Variants in FHIT observed in about 807,000 individuals in gnomAD.
The protein encoded by FHIT is fragile histidine triad diadenosine triphosphatase, also known as bis(5'-adenosyl)-triphosphatase.
A neutral mutation model predicts 17.9 loss-of-function variants in FHIT; 19 were observed. The ratio of observed to expected loss-of-function variants is 1.06; its 90% CI spans 0.74 to 1.56. The LOEUF is 1.56. Ranked by LOEUF, FHIT falls within the 40% of genes most tolerant of loss-of-function variation. The pLI is 0.00. For missense variants in FHIT, 248 were observed against 189.2 expected (o/e 1.31, Z -1.82); for synonymous variants, 81 against 69.7 (o/e 1.16, Z -0.81).
At chr3:60,233,075 GAT>G (rs1317497431) in intron 5 of FHIT, among the ~76,000 whole-genome samples, 1 of 152,142 alleles carries the variant, frequency 6.6e-6, no homozygotes, top group East Asian at 1.9e-4. Context: ...GGTAAAATAA[GAT>G]AGACCATGAG....
intron 3 of FHIT, among the ~76,000 whole-genome samples, chr3:60,878,977 T>A (rs1336840091): frequency 6.6e-6 from 1 of 152,220 alleles, no homozygotes; most frequent in Non-Finnish European, 1.5e-5. Context: ...TATAGCAGCA[T>A]GATTTATAAT....
chr3:60,717,987 T>C (rs1186097867), intron 4 of FHIT, among the ~76,000 whole-genome samples: 5 of 152,204 alleles, frequency 3.3e-5, no homozygotes, highest in African/African-American at 7.2e-5. Flanking sequence ...AAATAGCCAA[T>C]GTTTTTTAAA....
intron 5 of FHIT, among the ~76,000 whole-genome samples, chr3:60,368,446 ATATT>A (rs1332677463): frequency 1.3e-5 from 2 of 151,882 alleles, no homozygotes; most frequent in African/African-American, 4.8e-5. Flanking sequence ...ATATATAAAT[ATATT>A]TATTTCTTTG....
At chr3:60,356,024 AACTGGC>A (rs1699639518) in intron 5 of FHIT, among the ~76,000 whole-genome samples, 1 of 152,210 alleles carries the variant, frequency 6.6e-6, no homozygotes, top group Non-Finnish European at 1.5e-5. Flanking sequence ...CAAAAATAAT[AACTGGC>A]ACTGTGCCAT....
At chr3:60,555,193 A>C (rs2036701927) in intron 4 of FHIT, among the ~76,000 whole-genome samples, 1 of 152,198 alleles carries the variant, frequency 6.6e-6, no homozygotes, top group African/African-American at 2.4e-5. Flanking sequence ...AAGCCGTCCC[A>C]AACTACTGAT....
intron 2 of FHIT, among the ~76,000 whole-genome samples, chr3:61,098,893 C>T (rs2035728253): frequency 6.6e-6 from 1 of 151,818 alleles, no homozygotes; most frequent in South Asian, 2.1e-4. Flanking sequence ...ATGTCACCTG[C>T]ATTTGAATGC....
chr3:60,518,935 G>A (rs2035258498), intron 5 of FHIT, among the ~76,000 whole-genome samples: 4 of 152,272 alleles, frequency 2.6e-5, no homozygotes, highest in Middle Eastern at 6.8e-3. Flanking sequence ...CCCAGGAGGT[G>A]GAGGTTGCAG....
chr3:60,077,727 C>T (rs78272558), intron 5 of FHIT, among the ~76,000 whole-genome samples: 2,348 of 76,340 alleles, frequency 0.031, 40 homozygotes, highest in Middle Eastern at 0.044. Context: ...CACACACACA[C>T]ACATATATAG....
chr3:60,139,729 G>C (rs980058781), intron 5 of FHIT, among the ~76,000 whole-genome samples: 1 of 151,920 alleles, frequency 6.6e-6, no homozygotes, highest in Non-Finnish European at 1.5e-5. Context: ...AATACGTGTT[G>C]TATGGAATTA....
At chr3:60,152,099 G>A (rs183905298) in intron 5 of FHIT, among the ~76,000 whole-genome samples, 4 of 152,234 alleles carry the variant, frequency 2.6e-5, no homozygotes, top group African/African-American at 7.2e-5. Context: ...ACAGACCAAC[G>A]TTCAGATCCT....
chr3:61,021,367 A>G (rs1227155737), intron 3 of FHIT, among the ~76,000 whole-genome samples: 7 of 151,652 alleles, frequency 4.6e-5, no homozygotes, highest in African/African-American at 1.4e-4. Flanking sequence ...TGGGAGGCCG[A>G]GGCGGGCGGA....
chr3:60,732,969 A>AC (rs2042064204), intron 4 of FHIT, among the ~76,000 whole-genome samples: 1 of 152,142 alleles, frequency 6.6e-6, no homozygotes, highest in Non-Finnish European at 1.5e-5. Flanking sequence ...TACAGGCGTG[A>AC]GCCACCACGC....
intron 7 of FHIT, among the ~76,000 whole-genome samples, chr3:59,971,316 G>A (rs1161744687): frequency 1.3e-5 from 2 of 152,064 alleles, no homozygotes; most frequent in African/African-American, 4.8e-5. Flanking sequence ...TCAAAAATGT[G>A]AACACACATG....
intron 5 of FHIT, among the ~76,000 whole-genome samples, chr3:60,135,812 T>A (rs942058658): frequency 1.3e-5 from 2 of 152,102 alleles, no homozygotes; most frequent in African/African-American, 2.4e-5. Flanking sequence ...ACTTCCATTA[T>A]CAAACAGAAG....
intron 4 of FHIT, among the ~76,000 whole-genome samples, chr3:60,693,187 C>T (rs1474668614): frequency 6.6e-6 from 1 of 152,194 alleles, no homozygotes. Flanking sequence ...TAATTTCATT[C>T]ATTCTTCAAT....
chr3:59,801,026 T>C (rs1398126759), intron 8 of FHIT, among the ~76,000 whole-genome samples: 3 of 152,076 alleles, frequency 2.0e-5, no homozygotes, highest in Non-Finnish European at 4.4e-5. Context: ...GGGAAAGATC[T>C]TGAAAGGTGG....
intron 5 of FHIT, among the ~76,000 whole-genome samples, chr3:60,535,367 A>C (rs937582422): frequency 6.6e-6 from 1 of 152,178 alleles, no homozygotes; most frequent in Non-Finnish European, 1.5e-5. Flanking sequence ...AAGTCAGTTA[A>C]AGCTGGCACC....
chr3:61,121,575 G>A (rs545953091), intron 2 of FHIT, among the ~76,000 whole-genome samples: 196 of 152,244 alleles, frequency 1.3e-3, no homozygotes, highest in Non-Finnish European at 1.9e-3. Flanking sequence ...CCTTACAAGA[G>A]CTCCTGAAGG....
intron 1 of FHIT, among the ~76,000 whole-genome samples, chr3:61,207,563 T>G (rs4402933): frequency 2.3e-4 from 35 of 152,052 alleles, no homozygotes; most frequent in African/African-American, 8.0e-4. Flanking sequence ...TGTATGTGTC[T>G]GGGAATTTAT....
Sources: allele counts gnomAD v4.1 joint callset (sites outside exome capture counted in the v4.1 genomes callset), GRCh38; gene constraint gnomAD v4.1.1; transcripts MANE v1.5; gene names NCBI Gene and HGNC (gene_info 2026-07-23, HGNC 2026-07-21).